Variants in MLIP observed in about 807,000 individuals in gnomAD.
The protein encoded by MLIP is muscular LMNA-interacting protein.
A neutral mutation model predicts 84.8 loss-of-function variants in MLIP; 79 were observed. The ratio of observed to expected loss-of-function variants is 0.93; its 90% confidence interval spans 0.78 to 1.12. MLIP has a LOEUF of 1.12. Ranked by LOEUF, MLIP falls within the 50% of genes most tolerant of loss-of-function variation. The pLI is 0.00. For synonymous variants in MLIP, 504 were observed against 463.0 expected (o/e 1.09, Z -1.14); for missense variants, 1,257 against 1,160.6 (o/e 1.08, Z -1.21).
intron 8 of MLIP, among the ~76,000 whole-genome samples, chr6:54,163,952 C>G (rs1774916295): frequency 6.6e-6 from 1 of 151,842 alleles, no homozygotes; most frequent in African/African-American, 2.4e-5. Flanking sequence ...ATTGTAGGTA[C>G]TCTTTCTTCA....
At chr6:54,096,248 T>C (rs1310308432) in intron 1 of MLIP, among the ~76,000 whole-genome samples, 1 of 152,182 alleles carries the variant, frequency 6.6e-6, no homozygotes, top group Non-Finnish European at 1.5e-5. Flanking sequence ...ATATTTCTTA[T>C]ACCAAGCTTG....
chr6:54,120,335 C>T (rs1361146138), intron 1 of MLIP, among the ~76,000 whole-genome samples: 1 of 152,018 alleles, frequency 6.6e-6, no homozygotes, highest in Non-Finnish European at 1.5e-5. Flanking sequence ...CCTGGGTTCA[C>T]GCCATTCTCC....
At chr6:54,174,324 CT>C (rs948192545) in intron 9 of MLIP, among the ~76,000 whole-genome samples, 46 of 151,628 alleles carry the variant, frequency 3.0e-4, no homozygotes, top group Admixed American at 1.3e-3. Flanking sequence ...CCAAGTTGTT[CT>C]TTATAGTGGT....
chr6:54,023,722 A>C (rs1763640966), intron 1 of MLIP, among the ~76,000 whole-genome samples: 1 of 151,700 alleles, frequency 6.6e-6, no homozygotes, highest in Admixed American at 6.6e-5. Flanking sequence ...GGCGTGCACC[A>C]CCATGCCTGG....
chr6:54,057,097 G>T (rs9474723), intron 1 of MLIP, among the ~76,000 whole-genome samples: 4,202 of 152,210 alleles, frequency 0.028, 182 homozygotes, highest in African/African-American at 0.094. Context: ...GGTGACTTTG[G>T]TATTACTTCT....
At chr6:54,209,484 T>G in intron 11 of MLIP, among the ~76,000 whole-genome samples, 1 of 152,042 alleles carries the variant, frequency 6.6e-6, no homozygotes, top group African/African-American at 2.4e-5. Flanking sequence ...AAAACCCCAA[T>G]TTTTTTGAAA....
intron 3 of MLIP, among the ~76,000 whole-genome samples, chr6:54,134,604 TATTA>T (rs994692365): frequency 6.6e-6 from 1 of 151,972 alleles, no homozygotes; most frequent in Admixed American, 6.6e-5. Flanking sequence ...TTAGGTAAAA[TATTA>T]ATTAATGTAG....
chr6:54,261,627 A>G lies in MLIP; in HGVS notation c.2976+4266A>G, dbSNP rs116057336. The G allele has an allele frequency of 1.9e-3, 1,843 of 985,072 alleles. 31 individuals carry two copies. In the African/African-American group the frequency reaches 0.03, roughly 16 times the overall value. 61.0% of individuals were successfully genotyped at this position (985,072 alleles called of 1,614,324 possible). A position where few individuals can be genotyped will look rare whatever the true frequency, so the allele number is the denominator to read the frequency against. ...AGCTTTCTGAGTTTATTTTATTTTG[A>G]ATTTCAGAACCTCCACTGATGTCTA... is the stretch of plus-strand genomic sequence containing the variant. On this transcript the variant is annotated intron_variant, in intron 13 of 13. Transcript: ENST00000502396.
intron 11 of MLIP, chr6:54,215,073 C>G (rs1175804495): frequency 4.2e-6 from 5 of 1,189,736 alleles, no homozygotes; most frequent in Non-Finnish European, 4.8e-6. Context: ...TGCCTTTTTG[C>G]TCCTATTTGT....
At chr6:54,259,493 A>G (rs556504481) in intron 13 of MLIP, among the ~76,000 whole-genome samples, 6 of 151,944 alleles carry the variant, frequency 3.9e-5, no homozygotes, top group Non-Finnish European at 7.4e-5. Context: ...TTCAGATAAT[A>G]AATTGAGAAC....
intron 1 of MLIP, among the ~76,000 whole-genome samples, chr6:54,062,974 G>T (rs1766051161): frequency 6.6e-6 from 1 of 151,924 alleles, no homozygotes; most frequent in Non-Finnish European, 1.5e-5. Flanking sequence ...AGGCCGAGGC[G>T]GGTGGATTAC....
At position 54,210,614 on chromosome 6, in the gene MLIP, T is replaced by TA. The variant is rs964414496; in HGVS notation, c.2718+8382dup. On this transcript the variant is annotated intron_variant, in intron 11 of 13. Coordinates refer to ENST00000502396, the MANE Select transcript of MLIP (RefSeq NM_001281747.2). ...TAATTCAACAGCACCATGTTAGAAA[T>TA]ATATTGGCAGCCAAGACTCTGAACT... Among the ~76,000 whole-genome samples, 63 of 150,448 alleles carry TA rather than the reference T, an allele frequency of 4.2e-4. 1 individual carries two copies. The highest frequency in any genetic ancestry group is 4.1e-3 in the Admixed American group (62 of 14,946).
At chr6:54,106,363 C>T (rs960457083) in intron 1 of MLIP, among the ~76,000 whole-genome samples, 7 of 152,042 alleles carry the variant, frequency 4.6e-5, no homozygotes, top group East Asian at 3.9e-4. Context: ...CTGGGGAATA[C>T]GTCCTTCAGC....
At chr6:54,142,687 G>T (rs1772417960) in intron 4 of MLIP, among the ~76,000 whole-genome samples, 1 of 152,144 alleles carries the variant, frequency 6.6e-6, no homozygotes, top group Admixed American at 6.5e-5. Context: ...ATAGATAAGT[G>T]ACCATCTTAA....
chr6:54,242,861 A>G (rs1000524905), intron 12 of MLIP, among the ~76,000 whole-genome samples: 2 of 152,184 alleles, frequency 1.3e-5, no homozygotes, highest in African/African-American at 4.8e-5. Flanking sequence ...TTTCTTACTA[A>G]AAACAAAAAG....
chr6:54,169,330 A>G (rs1249495048), intron 8 of MLIP, among the ~76,000 whole-genome samples, 198 bp from the exon 9 acceptor site: 1 of 151,812 alleles, frequency 6.6e-6, no homozygotes, highest in Non-Finnish European at 1.5e-5. Flanking sequence ...AGAAATTACC[A>G]GAAAGCTGAT....
chr6:54,192,396 G>A (rs1476592208), intron 10 of MLIP, among the ~76,000 whole-genome samples: 3 of 151,910 alleles, frequency 2.0e-5, no homozygotes, highest in South Asian at 4.2e-4. Flanking sequence ...AATACTACCC[G>A]AGAGTGAAAT....
At position 54,257,340 on chromosome 6, in the gene MLIP, T is replaced by C; in HGVS notation, c.2955T>C (p.His985=). The C allele has an allele frequency of 1.2e-6, 2 of 1,612,354 alleles. No homozygotes were observed. The highest frequency in any genetic ancestry group is 1.7e-6 in the Non-Finnish European group (2 of 1,178,736). Residue 985 remains histidine, a synonymous_variant, in exon 13 of 14, where the codon CAT becomes CAC. Coordinates refer to ENST00000502396, the MANE Select transcript of MLIP (RefSeq NM_001281747.2). ...LSHPMVAIPE[H]EALDSKEQ ...ATCCAATGGTGGCTATTCCTGAACA[T>C]GAAGCTCTTGATTCCAAAGAGGTAA...
chr6:54,054,200 A>G (rs1303848865), intron 1 of MLIP, among the ~76,000 whole-genome samples: 7 of 152,188 alleles, frequency 4.6e-5, no homozygotes, highest in African/African-American at 7.2e-5. Flanking sequence ...TCTCACAAGA[A>G]TTTACATCCC....
Sources: allele counts gnomAD v4.1 joint callset (sites outside exome capture counted in the v4.1 genomes callset), GRCh38; gene constraint gnomAD v4.1.1; transcripts MANE v1.5; gene names NCBI Gene and HGNC (gene_info 2026-07-23, HGNC 2026-07-21).